LCN8: variants seen among roughly 807,000 people sequenced by gnomAD.
The protein encoded by LCN8 is lipocalin 8.
A neutral mutation model predicts 22.8 loss-of-function variants in LCN8; 16 were observed. The ratio of observed to expected loss-of-function variants is 0.70; its 90% CI spans 0.47 to 1.06. LCN8 has a LOEUF of 1.06. LCN8 is among the 50% of genes least tolerant of loss of function. The probability of loss-of-function intolerance (pLI) is 0.00; values close to 1 mark genes in which losing one functional copy is unlikely to be tolerated. For synonymous variants in LCN8, 92 were observed against 83.4 expected (o/e 1.10, Z -0.56); for missense variants, 189 against 203.3 (o/e 0.93, Z 0.43).
In LCN8 at chr9:136,754,466, T is replaced by A. The variant is rs2282261; in HGVS notation, c.*32A>T. The stretch of plus-strand genomic sequence containing the variant: ...AGGAGGGGCAGGGGTGGGCGGGCGC[T>A]CCGAACCTTGTGGTCTGAGGCAGGA... On this transcript the variant is annotated 3_prime_UTR_variant, in exon 7 of 7. Coordinates refer to ENST00000371688, the MANE Select transcript of LCN8 (RefSeq NM_178469.4). 6.4e-7 allele frequency: 1 copy of A among 1,556,180 alleles called. No homozygotes were observed. Among genetic ancestry groups the A allele is most frequent in the African/African-American group, 1.4e-5 (1 of 74,016 alleles).
chr9:136,754,757 C>T (rs374321009), intron 6 of LCN8: 63 of 1,384,350 alleles, frequency 4.6e-5, no homozygotes, highest in Middle Eastern at 5.4e-4. Context: ...AGGCAGCGCC[C>T]GCAGGATCTG....
chr9:136,756,741 G>A, intron 2 of LCN8, 149 bp from the exon 3 acceptor site: 1 of 1,204,004 alleles, frequency 8.3e-7, no homozygotes, highest in Non-Finnish European at 1.2e-6. Context: ...CGGGGAATGT[G>A]CCAGGTGGGG....
At chr9:136,755,192 A>T (rs757686566) in intron 5 of LCN8, 32 bp from the exon 6 acceptor site, 1 of 1,606,770 alleles carries the variant, frequency 6.2e-7, no homozygotes, top group Non-Finnish European at 8.5e-7. Flanking sequence ...GGAGCTGCAG[A>T]GTCAGCCCAC....
chr9:136,758,315 C>T (rs1847257317), upstream of LCN8: 3 of 1,145,946 alleles, frequency 2.6e-6, no homozygotes, highest in South Asian at 3.0e-5. Context: ...TGACCCCCAC[C>T]CCACATGACA....
Position 136,758,193 on chromosome 9 carries a change from G to T in LCN8, c.-263C>A, listed in dbSNP as rs1189161931. 4.3e-6 allele frequency: 6 copies of T among 1,391,306 alleles called. No individual in the cohort carries two copies. In the African/African-American group the frequency reaches 8.7e-5, roughly 20 times the overall value. The allele number at this position is 1,391,306 out of a possible 1,614,324, so 86.2% of individuals were successfully genotyped here. ...CCACCGCAGGGGTTAGCCTGGCCTAGACAGCAGCCTGCCCAGCCACCCTCC... is the reference window on the plus strand; with the variant it reads ...CCACCGCAGGGGTTAGCCTGGCCTATACAGCAGCCTGCCCAGCCACCCTCC... On this transcript the variant is annotated 5_prime_UTR_variant, in exon 1 of 7. Coordinates refer to ENST00000371688, the MANE Select transcript of LCN8 (RefSeq NM_178469.4).
In LCN8 at chr9:136,755,492, T is replaced by A. The variant is rs755959648; in HGVS notation, c.251A>T (p.Asp84Val). 3 of 1,612,824 alleles carry A rather than the reference T, an allele frequency of 1.9e-6. No individual in the cohort carries two copies. The South Asian group carries it at 3.3e-5, about 18-fold the overall frequency. Reference protein sequence around the residue: ...FPGHREIHVLDTDYEGYAILR... With the variant: ...FPGHREIHVLVTDYEGYAILR... ...GATGGCGTAGCCCTCGTAGTCGGTG[T>A]CCAGCACGTGGATCTCTCTGTGGCC... The change falls in exon 4 of 7, where the codon GAC becomes GTC. Residue 84 changes from aspartate to valine, a missense_variant. Asp to Val is a radical substitution (Grantham distance 152). Transcript: ENST00000371688.
At chr9:136,758,374 C>T (rs928765125), upstream of LCN8, 8 of 1,021,468 alleles carry the variant, frequency 7.8e-6, no homozygotes, top group Non-Finnish European at 9.4e-6. Flanking sequence ...GCTGTGGGCA[C>T]TGATGGGCAA....
At chr9:136,757,707 T>C in intron 1 of LCN8, 200 bp downstream of exon 1, 1 of 985,422 alleles carries the variant, frequency 1.0e-6, no homozygotes, top group Non-Finnish European at 1.2e-6. Context: ...CTCCGGCATC[T>C]ACCTTCTCTG....
At position 136,755,337 on chromosome 9, in the gene LCN8, TG is replaced by T; in HGVS notation, c.332-5del. The T allele has an allele frequency of 6.2e-7, 1 of 1,609,536 alleles. No individual in the cohort carries two copies. Among genetic ancestry groups the T allele is most frequent in the Non-Finnish European group, 8.5e-7 (1 of 1,179,866 alleles). On this transcript the variant is annotated splice_polypyrimidine_tract_variant and splice_region_variant and intron_variant, in intron 4 of 6. Transcript: ENST00000371688. ...TCCTTGTCCTCAAGGCTCCGAGCTG[TG>T]GGGCACAGGGGGGCTGGGCGGGCAG...
Position 136,755,165 on chromosome 9 carries a change from A to G in LCN8, c.422-5T>C, listed in dbSNP as rs1466027205. The G allele has an allele frequency of 4.4e-6, 7 of 1,600,646 alleles. No individual in the cohort carries two copies. Among genetic ancestry groups the G allele is most frequent in the African/African-American group, 1.3e-5 (1 of 74,658 alleles). The stretch of plus-strand genomic sequence containing the variant: ...TCAGGAGCTCGGCACACCGCCCTGC[A>G]GGATAGGCCAGCATGAGGAGCTGCA... On this transcript the variant is annotated splice_region_variant and splice_polypyrimidine_tract_variant and intron_variant, in intron 5 of 6. Transcript: ENST00000371688.
At position 136,758,036 on chromosome 9, in the gene LCN8, C is replaced by T; in HGVS notation, c.-106G>A. ...GGCTCCGGGTTCCCCTGCTGCACAG[C>T]CTGGGCCGATTCTATACGGACAGTG... is the stretch of plus-strand genomic sequence containing the variant. On this transcript the variant is annotated 5_prime_UTR_variant, in exon 1 of 7. Coordinates refer to ENST00000371688, the MANE Select transcript of LCN8 (RefSeq NM_178469.4). 1 of 1,554,246 alleles carries T rather than the reference C, an allele frequency of 6.4e-7. No individual in the cohort carries two copies. Among genetic ancestry groups the T allele is most frequent in the Non-Finnish European group, 8.7e-7 (1 of 1,152,032 alleles).
chr9:136,754,589 G>T, intron 6 of LCN8, 80 bp from the exon 7 acceptor site: 1 of 1,515,308 alleles, frequency 6.6e-7, no homozygotes. Flanking sequence ...CCACACGGCG[G>T]GACTTCTGTC....
intron 6 of LCN8, 124 bp from the exon 7 acceptor site, chr9:136,754,633 C>G: frequency 6.9e-7 from 1 of 1,454,696 alleles, no homozygotes; most frequent in South Asian, 1.4e-5. Flanking sequence ...GCACCCAGCT[C>G]CCTGAGCGCC....
At chr9:136,756,637 C>A (rs751564085) in intron 2 of LCN8, 45 bp from the exon 3 acceptor site, 27 of 1,604,044 alleles carry the variant, frequency 1.7e-5, no homozygotes, top group Non-Finnish European at 2.2e-5. Context: ...TAGCCTGTGT[C>A]CCGCCTGCTG....
chr9:136,757,495 G>A (rs1478106256), intron 1 of LCN8: 6 of 1,352,918 alleles, frequency 4.4e-6, no homozygotes, highest in Admixed American at 6.6e-5. Flanking sequence ...GCAGGACCCA[G>A]GAGCAGAGGC....
intron 1 of LCN8, 114 bp downstream of exon 1, chr9:136,757,792 TC>T: frequency 6.2e-7 from 1 of 1,604,116 alleles, no homozygotes; most frequent in Non-Finnish European, 8.5e-7. Flanking sequence ...ACAGGAAGTG[TC>T]TAGCCGGGCA....
chr9:136,755,738 G>A, intron 3 of LCN8: 1 of 1,513,498 alleles, frequency 6.6e-7, no homozygotes, highest in South Asian at 1.2e-5. Context: ...AACAGTGCAG[G>A]GAACCCTGCA....
At chr9:136,755,569 G>T in intron 3 of LCN8, 53 bp from the exon 4 acceptor site, 1 of 1,566,798 alleles carries the variant, frequency 6.4e-7, no homozygotes, top group Non-Finnish European at 8.6e-7. Context: ...GACGGACCTC[G>T]AAGGCCAGGG....
intron 2 of LCN8, among the ~76,000 whole-genome samples, 157 bp downstream of exon 2, chr9:136,756,881 T>C (rs1380857546): frequency 6.6e-6 from 1 of 152,206 alleles, no homozygotes; most frequent in South Asian, 2.1e-4. Context: ...TCCAGGAGCC[T>C]GGGGGTCGAG....
Sources: allele counts gnomAD v4.1 joint callset (sites outside exome capture counted in the v4.1 genomes callset), GRCh38; gene constraint gnomAD v4.1.1; transcripts MANE v1.5; gene names NCBI Gene and HGNC (gene_info 2026-07-23, HGNC 2026-07-21).